The following BICD1 variants were observed in gnomAD, a reference collection of about 807,000 sequenced individuals.
BICD1 encodes the protein protein bicaudal D homolog 1.
A neutral mutation model predicts 92.5 loss-of-function variants in BICD1; 35 were observed. That is an observed-to-expected ratio of 0.38 (90% CI 0.29 to 0.50). The LOEUF (loss-of-function observed/expected upper bound fraction) is 0.50, where lower values mean the gene tolerates loss of function less well. Among genes scored for constraint, BICD1 ranks in the 20% least tolerant of loss-of-function variants. The pLI is 0.93. For missense variants in BICD1, 950 were observed against 1,189.8 expected, an observed-to-expected ratio of 0.80 and a Z score of 2.97; for synonymous variants, 429 against 465.1, an observed-to-expected ratio of 0.92 and a Z score of 1.00.
chr12:32,278,813 G>A (rs1390839935), intron 2 of BICD1, among the ~76,000 whole-genome samples: 1 of 152,160 alleles, frequency 6.6e-6, no homozygotes, highest in Non-Finnish European at 1.5e-5. Context: ...CCGAGATTGC[G>A]CCACTGCACG....
chr12:32,126,646 A>G (rs991063878), intron 1 of BICD1, among the ~76,000 whole-genome samples: 1 of 152,054 alleles, frequency 6.6e-6, no homozygotes, highest in Admixed American at 6.6e-5. Context: ...AATCCCAGCT[A>G]CTTGGGAGGC....
At chr12:32,117,876 G>A (rs1344040235) in intron 1 of BICD1, among the ~76,000 whole-genome samples, 2 of 149,084 alleles carry the variant, frequency 1.3e-5, no homozygotes, top group Admixed American at 1.3e-4. Flanking sequence ...TCAGGCTCCC[G>A]AGTAGCTGGG....
intron 1 of BICD1, among the ~76,000 whole-genome samples, chr12:32,145,443 T>G (rs1943073477): frequency 6.6e-6 from 1 of 152,234 alleles, no homozygotes; most frequent in Admixed American, 6.5e-5. Flanking sequence ...CAATTAGTTA[T>G]CAGGTACTAT....
At chr12:32,197,899 A>G (rs537247447) in intron 1 of BICD1, among the ~76,000 whole-genome samples, 1 of 104,398 alleles carries the variant, frequency 9.6e-6, no homozygotes, top group Non-Finnish European at 2.0e-5. Flanking sequence ...AGTATCAAGC[A>G]TGCATATAGT....
intron 1 of BICD1, among the ~76,000 whole-genome samples, chr12:32,139,253 C>T (rs1942826107): frequency 6.6e-6 from 1 of 152,118 alleles, no homozygotes; most frequent in South Asian, 2.1e-4. Context: ...AGTGCATCGT[C>T]CCTGTGTATA....
At chr12:32,108,891 T>C (rs2121116892) in intron 1 of BICD1, 1 of 483,354 alleles carries the variant, frequency 2.1e-6, no homozygotes, top group South Asian at 3.1e-5. Context: ...CTGGACTTGT[T>C]TATATTTTCC....
chr12:32,129,154 C>G lies in BICD1; in HGVS notation c.213+21610C>G, dbSNP rs190490309. On this transcript the variant is annotated intron_variant, in intron 1 of 9. Coordinates refer to ENST00000652176, the MANE Select transcript of BICD1 (RefSeq NM_001714.4). ...TTCACCATGTTGTCCAGGCTGGTCT[C>G]GAACTCCTGACCTCAGGTGATCCGC... is the stretch of plus-strand genomic sequence containing the variant. Among the ~76,000 whole-genome samples the G allele has an allele frequency of 4.6e-5, 7 of 151,430 alleles. No individual in the cohort carries two copies. In the East Asian group the frequency reaches 1.4e-3, roughly 30 times the overall value.
intron 3 of BICD1, among the ~76,000 whole-genome samples, chr12:32,299,501 A>C (rs529301095): frequency 6.6e-6 from 1 of 152,178 alleles, no homozygotes; most frequent in African/African-American, 2.4e-5. Flanking sequence ...AGAAACATGA[A>C]ACAGCTGGGT....
At chr12:32,262,407 G>A (rs1219620389) in intron 2 of BICD1, among the ~76,000 whole-genome samples, 2 of 152,016 alleles carry the variant, frequency 1.3e-5, no homozygotes, top group Admixed American at 1.3e-4. Flanking sequence ...TTCACCATCC[G>A]TTCCTTTCAG....
chr12:32,281,725 A>G (rs1477561313), intron 2 of BICD1, among the ~76,000 whole-genome samples: 1 of 152,186 alleles, frequency 6.6e-6, no homozygotes, highest in Non-Finnish European at 1.5e-5. Flanking sequence ...TATGAACTCA[A>G]ATATATGAAA....
chr12:32,344,919 A>G (rs924474782), intron 8 of BICD1, among the ~76,000 whole-genome samples: 24 of 152,166 alleles, frequency 1.6e-4, no homozygotes, highest in African/African-American at 5.1e-4. Context: ...CATAGTTTCC[A>G]CAGAATTCTT....
intron 1 of BICD1, among the ~76,000 whole-genome samples, chr12:32,177,682 A>ATTCT (rs766041969): frequency 2.3e-5 from 1 of 43,036 alleles, no homozygotes; most frequent in Non-Finnish European, 4.3e-5. Context: ...AAGAAAACAC[A>ATTCT]TTATTAAAGT....
At chr12:32,132,655 A>T (rs2121309362) in intron 1 of BICD1, among the ~76,000 whole-genome samples, 1 of 152,114 alleles carries the variant, frequency 6.6e-6, no homozygotes, top group South Asian at 2.1e-4. Context: ...TTCAACCAGG[A>T]CCCCAAAAGA....
intron 1 of BICD1, among the ~76,000 whole-genome samples, chr12:32,154,231 A>G (rs1383894226): frequency 6.6e-6 from 1 of 151,864 alleles, no homozygotes; most frequent in Non-Finnish European, 1.5e-5. Context: ...CCCTTTTTTT[A>G]TTACTTTATG....
chr12:32,357,517 G>T lies in BICD1; in HGVS notation c.2765-10153G>T, dbSNP rs1463376321. ...AGGAGCACTAACTGCTTCTACTTTGGAGCAAGTATCAAAGGCTGTGTTAGT... is the reference window on the plus strand; with the variant it reads ...AGGAGCACTAACTGCTTCTACTTTGTAGCAAGTATCAAAGGCTGTGTTAGT... On this transcript the variant is annotated intron_variant, in intron 8 of 9. Transcript: ENST00000652176. 2.6e-5 allele frequency among the ~76,000 whole-genome samples: 4 copies of T among 152,114 alleles called. No homozygotes were observed. In the East Asian group the frequency reaches 7.7e-4, roughly 29 times the overall value.
At chr12:32,338,149 A>T (rs1211576754) in intron 7 of BICD1, 3 of 242,494 alleles carry the variant, frequency 1.2e-5, no homozygotes, top group Admixed American at 9.8e-5. Context: ...ATAAAGGTGG[A>T]TATTAAGAAT....
At chr12:32,163,580 A>C (rs997227372) in intron 1 of BICD1, among the ~76,000 whole-genome samples, 1 of 152,146 alleles carries the variant, frequency 6.6e-6, no homozygotes, top group Non-Finnish European at 1.5e-5. Context: ...TATTATGAGC[A>C]TGTTTCTGTG....
At chr12:32,363,559 T>C (rs970881113) in intron 8 of BICD1, among the ~76,000 whole-genome samples, 1 of 152,148 alleles carries the variant, frequency 6.6e-6, no homozygotes, top group African/African-American at 2.4e-5. Flanking sequence ...AGTTTGTAGT[T>C]ACAAAGAAGT....
At chr12:32,178,348 G>C (rs1944178366) in intron 1 of BICD1, among the ~76,000 whole-genome samples, 1 of 152,000 alleles carries the variant, frequency 6.6e-6, no homozygotes, top group East Asian at 1.9e-4. Context: ...GCCCTGGTCA[G>C]AGTATTCTCC....
Sources: allele counts gnomAD v4.1 joint callset (sites outside exome capture counted in the v4.1 genomes callset), GRCh38; gene constraint gnomAD v4.1.1; transcripts MANE v1.5; gene names NCBI Gene and HGNC (gene_info 2026-07-23, HGNC 2026-07-21).